The following TEFM variants were observed in gnomAD, a reference collection of about 807,000 sequenced individuals.
TEFM encodes transcription elongation factor, mitochondrial.
In TEFM, 14 loss-of-function variants were observed where a neutral mutation model predicts 23.0. That is an observed-to-expected ratio of 0.61 (90% CI 0.40 to 0.95). The LOEUF is 0.95. Ranked by LOEUF, TEFM falls within the 40% of genes least tolerant of loss-of-function variation. The pLI, the probability that TEFM is intolerant of heterozygous loss-of-function variation, is 0.00. For missense variants in TEFM, 386 were observed against 425.5 expected (o/e 0.91, Z 0.82); for synonymous variants, 155 against 158.3 (o/e 0.98, Z 0.16).
rs1005192504 is a variant in TEFM, at chr17:30,904,505, G to T, written c.56C>A (p.Pro19Gln). 2 of 1,610,132 alleles carry T rather than the reference G, an allele frequency of 1.2e-6. No homozygotes were observed. Among genetic ancestry groups the T allele is most frequent in the Non-Finnish European group, 8.5e-7 (1 of 1,177,846 alleles). ...GGCCCAGTACAGGGATGACCTCGAC[G>T]GGGTCAGAAAGCATCTCCACCTCTC... ...AGERWRCFLTPSRSSLYWALH... is the reference protein window; with the variant it reads ...AGERWRCFLTQSRSSLYWALH... Residue 19 changes from proline to glutamine, a missense_variant, in exon 2 of 4, where the codon CCG becomes CAG. Physicochemically the swap from Pro to Gln is moderately conservative, Grantham distance 76. Coordinates refer to ENST00000581216, the MANE Select transcript of TEFM (RefSeq NM_024683.4).
intron 2 of TEFM, among the ~76,000 whole-genome samples, chr17:30,903,123 C>T (rs1426839746): frequency 4.7e-5 from 4 of 85,062 alleles, no homozygotes; most frequent in African/African-American, 5.1e-5. Flanking sequence ...GGCGACAGCA[C>T]AAGACTCTGT....
At chr17:30,901,762 G>A (rs1910051835) in intron 2 of TEFM, among the ~76,000 whole-genome samples, 1 of 152,218 alleles carries the variant, frequency 6.6e-6, no homozygotes, top group Non-Finnish European at 1.5e-5. Context: ...AAAAATCACT[G>A]ATGGTGTAAA....
At position 30,899,496 on chromosome 17, in the gene TEFM, G is replaced by A. The variant is rs1340767577; in HGVS notation, c.756C>T (p.Ile252=). Residue 252 remains isoleucine, a synonymous_variant, in exon 4 of 4, where the codon ATC becomes ATT. Transcript: ENST00000581216. ...ATAAGGCATACAGCATGGCTTCCAT[G>A]ATATGAAAATGTAACAGTATTGGAA... ...SLFPILLHFH[I]MEAMLYALLN... 1.9e-6 allele frequency: 3 copies of A among 1,614,020 alleles called. No individual in the cohort carries two copies. The highest frequency in any genetic ancestry group is 2.5e-6 in the Non-Finnish European group (3 of 1,179,944).
rs1910011426 is a variant in TEFM, at chr17:30,900,412, C to G, written c.645+1G>C. ...GGAATCTGGAGGTGCAACTGCCTTA[C>G]CTCTTCTAAATAGACTGATGATGAG... On this transcript the variant is annotated splice_donor_variant, in intron 3 of 3. Coordinates refer to ENST00000581216, the MANE Select transcript of TEFM (RefSeq NM_024683.4). LOFTEE classifies it high-confidence loss of function. The G allele has an allele frequency of 1.2e-6, 2 of 1,613,994 alleles. No individual in the cohort carries two copies. The highest frequency in any genetic ancestry group is 2.2e-5 in the East Asian group (1 of 44,874).
Position 30,899,076 on chromosome 17 carries a change from A to G in TEFM, c.*93T>C. The G allele has an allele frequency of 8.1e-7, 1 of 1,228,566 alleles. No individual in the cohort carries two copies. The highest frequency in any genetic ancestry group is 1.1e-6 in the Non-Finnish European group (1 of 893,240). 76.1% of individuals were successfully genotyped at this position (1,228,566 alleles called of 1,614,324 possible). A position where few individuals can be genotyped will look rare whatever the true frequency, so the allele number is the denominator to read the frequency against. ...GAATTTAAACATCTAAAATACACTG[A>G]AAATGTGTTCTTTTCCAATAACATG... On this transcript the variant is annotated 3_prime_UTR_variant, in exon 4 of 4. Transcript: ENST00000581216.
intron 2 of TEFM, among the ~76,000 whole-genome samples, chr17:30,900,775 T>A (rs967773429): frequency 7.9e-6 from 1 of 127,152 alleles, no homozygotes; most frequent in Non-Finnish European, 1.7e-5. Flanking sequence ...CTAATTTTTT[T>A]ATTTTTTTTT....
At chr17:30,904,678 CATCTT>C (rs1473419086) in intron 1 of TEFM, 149 bp from the exon 2 acceptor site, 1 of 558,330 alleles carries the variant, frequency 1.8e-6, no homozygotes, top group East Asian at 3.2e-5. Flanking sequence ...CTTGGAGAAT[CATCTT>C]TTTTTTTTTT....
intron 1 of TEFM, 136 bp downstream of exon 1, chr17:30,906,032 T>C (rs1389111269): frequency 7.5e-7 from 1 of 1,329,562 alleles, no homozygotes; most frequent in Non-Finnish European, 1.1e-6. Flanking sequence ...CATTAGCCTC[T>C]AGGGTCAGAG....
rs377335615 is a variant in TEFM at position 30,904,344 on chromosome 17, T to C, written c.217A>G (p.Ile73Val). ...KLFSSEQQASILHVLNTASTK... is the reference protein window; with the variant it reads ...KLFSSEQQASVLHVLNTASTK... ...GATGCTGTATTCAACACATGCAAGA[T>C]GGAAGCCTGCTGTTCTGAAGAGAAG... The change falls in exon 2 of 4, where the codon ATC (isoleucine) becomes GTC (valine). Residue 73 changes from isoleucine (I) to valine (V), a missense_variant. By Grantham distance (29) the Ile-to-Val change is conservative. Transcript: ENST00000581216. 27 of 1,614,126 alleles carry C rather than the reference T, an allele frequency of 1.7e-5. No individual in the cohort carries two copies. Among genetic ancestry groups the C allele is most frequent in the Middle Eastern group, 1.6e-4 (1 of 6,084 alleles).
intron 3 of TEFM, 41 bp downstream of exon 3, chr17:30,900,372 G>A (rs1251329204): frequency 6.3e-7 from 1 of 1,595,570 alleles, no homozygotes; most frequent in East Asian, 2.2e-5. Context: ...ACTACACAAG[G>A]AGCTCTAGCA....
chr17:30,903,136 C>CAAAAA (rs1173542105), intron 2 of TEFM, among the ~76,000 whole-genome samples: 22 of 67,104 alleles, frequency 3.3e-4, no homozygotes, highest in East Asian at 6.2e-4. Flanking sequence ...GACTCTGTCT[C>CAAAAA]AAAAAAAAAA....
In TEFM at chr17:30,899,571, A is replaced by G; in HGVS notation, c.681T>C (p.Asp227=). 6.3e-7 allele frequency: 1 copy of G among 1,582,600 alleles called. No individual in the cohort carries two copies. The highest frequency in any genetic ancestry group is 8.6e-7 in the Non-Finnish European group (1 of 1,163,314). Residue 227 remains aspartate (D), a synonymous_variant, in exon 4 of 4, where the codon GAT becomes GAC. Transcript: ENST00000581216. ...GTCCTGTTTTTTCCAGAACATAGAA[A>G]TCTGCTTTAGGCATCTTTGAAATGA... ...SSIISKMPKA[D]FYVLEKTGLS...
At position 30,906,163 on chromosome 17, in the gene TEFM, C is replaced by G. The variant is rs780927303; in HGVS notation, c.31+5G>C. 8 of 1,614,006 alleles carry G rather than the reference C, an allele frequency of 5.0e-6. No homozygotes were observed. In the Admixed American group the frequency reaches 1.2e-4, roughly 24 times the overall value. ...GAAATCACCCCAGTGTTCCAAGCAC[C>G]CTACCTCCCGCCGTGAAGAGGACAG... On this transcript the variant is annotated splice_donor_5th_base_variant and intron_variant, in intron 1 of 3. Transcript: ENST00000581216.
At chr17:30,903,625 C>T (rs1210561950) in intron 2 of TEFM, among the ~76,000 whole-genome samples, 1 of 151,104 alleles carries the variant, frequency 6.6e-6, no homozygotes, top group East Asian at 2.0e-4. Flanking sequence ...GCCGGAAAGA[C>T]TGGTATAATG....
chr17:30,901,895 T>C (rs1910054556), intron 2 of TEFM, among the ~76,000 whole-genome samples: 1 of 152,190 alleles, frequency 6.6e-6, no homozygotes. Context: ...GCAGAATTAA[T>C]ACATAGGTTT....
chr17:30,906,152 G>A lies in TEFM; in HGVS notation c.31+16C>T, dbSNP rs928374946. 1.2e-6 allele frequency: 2 copies of A among 1,613,770 alleles called. No homozygotes were observed. The highest frequency in any genetic ancestry group is 1.3e-5 in the African/African-American group (1 of 74,898). Reference sequence around the variant, plus strand: ...ATGACAGACGGGAAATCACCCCAGTGTTCCAAGCACCCTACCTCCCGCCGT... The same window carrying A: ...ATGACAGACGGGAAATCACCCCAGTATTCCAAGCACCCTACCTCCCGCCGT... On this transcript the variant is annotated intron_variant, in intron 1 of 3. Coordinates refer to ENST00000581216, the MANE Select transcript of TEFM (RefSeq NM_024683.4).
chr17:30,899,175 C>G lies in TEFM; in HGVS notation c.1077G>C (p.Gln359His). 3.8e-6 allele frequency: 6 copies of G among 1,581,682 alleles called. No individual in the cohort carries two copies. The highest frequency in any genetic ancestry group is 5.2e-6 in the Non-Finnish European group (6 of 1,161,586). Residue 359 changes from glutamine to histidine, a missense_variant, in exon 4 of 4, where the codon CAG becomes CAC. Physicochemically the swap from Gln to His is conservative, Grantham distance 24. Transcript: ENST00000581216. ...AFYELAVFDS[Q>H]P The stretch of plus-strand genomic sequence containing the variant: ...GCACGTTAACCTCAGAATTCTAAGG[C>G]TGAGAGTCAAACACTGCTAATTCAT...
chr17:30,901,858 CAGAA>C (rs1270036390), intron 2 of TEFM, among the ~76,000 whole-genome samples: 2 of 152,062 alleles, frequency 1.3e-5, no homozygotes, highest in Admixed American at 1.3e-4. Flanking sequence ...AAGACAATGA[CAGAA>C]GGAAAAGAAA....
At chr17:30,899,749 C>T in intron 3 of TEFM, 143 bp from the exon 4 acceptor site, 1 of 565,816 alleles carries the variant, frequency 1.8e-6, no homozygotes, top group Non-Finnish European at 2.8e-6. Flanking sequence ...ACTGAAAAAG[C>T]CATTTTATGA....
Sources: gnomAD v4.1 joint callset for allele counts (sites outside exome capture counted in the v4.1 genomes callset) on GRCh38, gnomAD v4.1.1 for gene constraint, MANE v1.5 for transcripts, NCBI Gene and HGNC (gene_info 2026-07-23, HGNC 2026-07-21) for gene names.